Variants in SNTG1 observed in about 807,000 individuals in gnomAD.
The protein encoded by SNTG1 is syntrophin gamma 1.
A neutral mutation model predicts 74.7 loss-of-function variants in SNTG1; 39 were observed. The observed-to-expected ratio is 0.52, with a 90% CI of 0.40 to 0.68. The LOEUF is 0.68. SNTG1 is among the 30% of genes least tolerant of loss of function. The probability of loss-of-function intolerance (pLI) is 0.00; values close to 1 mark genes in which losing one functional copy is unlikely to be tolerated. For synonymous variants in SNTG1, 254 were observed against 217.1 expected (o/e 1.17, Z -1.49); for missense variants, 685 against 609.5 (o/e 1.12, Z -1.30).
intron 1 of SNTG1, among the ~76,000 whole-genome samples, chr8:50,015,973 G>T (rs180887496): frequency 1.7e-3 from 265 of 152,194 alleles, no homozygotes; most frequent in Admixed American, 5.2e-3. Flanking sequence ...TGTTGTTGTG[G>T]AGAAGAATTG....
intron 1 of SNTG1, among the ~76,000 whole-genome samples, chr8:50,081,409 T>C (rs1333158221): frequency 3.3e-5 from 5 of 152,112 alleles, no homozygotes; most frequent in African/African-American, 9.7e-5. Context: ...TTTGTCTTTA[T>C]TCCGTTTGGC....
chr8:49,994,114 A>G (rs1236347657), intron 1 of SNTG1, among the ~76,000 whole-genome samples: 1 of 152,102 alleles, frequency 6.6e-6, no homozygotes, highest in Non-Finnish European at 1.5e-5. Context: ...ACATACAAGT[A>G]TATGGATATA....
chr8:50,442,103 A>G lies in SNTG1; in HGVS notation c.219+3504A>G, dbSNP rs16914902. Among the ~76,000 whole-genome samples the G allele has an allele frequency of 6.8e-3, 1,035 of 152,184 alleles. 17 individuals carry two copies. Among genetic ancestry groups the G allele is most frequent in the African/African-American group, 0.024 (988 of 41,526 alleles). On this transcript the variant is annotated intron_variant, in intron 5 of 18. Coordinates refer to ENST00000642720, the MANE Select transcript of SNTG1 (RefSeq NM_018967.5). ...AGGGAGGTGCCACACACAGGCTGACACTCTCGCATCCCCATCTCCCAGTTT... is the reference window on the plus strand; with the variant it reads ...AGGGAGGTGCCACACACAGGCTGACGCTCTCGCATCCCCATCTCCCAGTTT...
intron 8 of SNTG1, among the ~76,000 whole-genome samples, chr8:50,495,463 CT>C (rs66691982): frequency 0.11 from 14,501 of 129,894 alleles, 811 homozygotes; most frequent in African/African-American, 0.2. Flanking sequence ...ATGTCAAATT[CT>C]TTTTTTTTTT....
chr8:50,137,385 C>G (rs1288910172), intron 1 of SNTG1, among the ~76,000 whole-genome samples: 1 of 152,136 alleles, frequency 6.6e-6, no homozygotes, highest in Non-Finnish European at 1.5e-5. Flanking sequence ...CTCTCACTGC[C>G]TGTAGTCAAC....
chr8:50,166,767 A>C (rs1394789016), intron 1 of SNTG1, among the ~76,000 whole-genome samples: 2 of 138,280 alleles, frequency 1.4e-5, no homozygotes, highest in Non-Finnish European at 3.1e-5. Flanking sequence ...CCATCCCATT[A>C]CTGGGTATAT....
intron 1 of SNTG1, among the ~76,000 whole-genome samples, chr8:50,026,147 TTC>T (rs968676731): frequency 6.6e-6 from 1 of 152,194 alleles, no homozygotes; most frequent in African/African-American, 2.4e-5. Context: ...TCAACACGCA[TTC>T]TGTTTATGTA....
chr8:50,612,633 T>C (rs2094858562), intron 13 of SNTG1, among the ~76,000 whole-genome samples: 1 of 152,210 alleles, frequency 6.6e-6, no homozygotes. Context: ...TTCCCTACTA[T>C]GCCTATGACG....
rs1361909742 is a variant in SNTG1 at position 50,394,238 on chromosome 8, C to A, written c.-1C>A. The A allele has an allele frequency of 6.2e-7, 1 of 1,612,886 alleles. No individual in the cohort carries two copies. Among genetic ancestry groups the A allele is most frequent in the African/African-American group, 1.3e-5 (1 of 74,862 alleles). Reference sequence around the variant, plus strand: ...CGACATCCTTTGTGGTGCCACAGCACATGGATTTCAGAACCGCCTGTGAGG... The same window carrying A: ...CGACATCCTTTGTGGTGCCACAGCAAATGGATTTCAGAACCGCCTGTGAGG... On this transcript the variant is annotated 5_prime_UTR_variant, in exon 3 of 19. Transcript: ENST00000642720.
intron 9 of SNTG1, among the ~76,000 whole-genome samples, chr8:50,513,567 G>A (rs956054429): frequency 5.9e-5 from 9 of 152,252 alleles, no homozygotes; most frequent in Non-Finnish European, 1.0e-4. Flanking sequence ...GCTCCACCCA[G>A]TTTGAGCTTC....
chr8:50,528,543 C>G (rs533913123), intron 9 of SNTG1, among the ~76,000 whole-genome samples: 11 of 151,786 alleles, frequency 7.2e-5, no homozygotes, highest in Non-Finnish European at 1.6e-4. Flanking sequence ...TCATATATTA[C>G]TAGGCTTGGT....
rs534098251 is a variant in SNTG1, at chr8:50,124,118, C to T, written c.-102-48443C>T. Among the ~76,000 whole-genome samples the T allele has an allele frequency of 5.7e-5, 8 of 141,580 alleles. 1 individual carries two copies. Among genetic ancestry groups the T allele is most frequent in the South Asian group, 5.3e-4 (2 of 3,748 alleles). 92.9% of individuals were successfully genotyped at this position (141,580 alleles called of 152,430 possible). A position where few individuals can be genotyped will look rare whatever the true frequency, so the allele number is the denominator to read the frequency against. On this transcript the variant is annotated intron_variant, in intron 1 of 18. Transcript: ENST00000642720. ...CTTGGAAGAGCTAACTAAATTAAAACGAGGCCATTAGGATGGTCCCTAATC... is the reference window on the plus strand; with the variant it reads ...CTTGGAAGAGCTAACTAAATTAAAATGAGGCCATTAGGATGGTCCCTAATC...
intron 2 of SNTG1, among the ~76,000 whole-genome samples, chr8:50,271,879 A>T (rs2087798303): frequency 6.6e-6 from 1 of 152,162 alleles, no homozygotes; most frequent in Non-Finnish European, 1.5e-5. Context: ...TAGGAGGTGG[A>T]GCCTTTTGAA....
chr8:50,231,247 G>A (rs1009419840), intron 2 of SNTG1, among the ~76,000 whole-genome samples: 3 of 151,338 alleles, frequency 2.0e-5, no homozygotes, highest in African/African-American at 7.2e-5. Context: ...CATTGGCACA[G>A]ATATGAGAAA....
At position 50,328,558 on chromosome 8, in the gene SNTG1, C is replaced by T. The variant is rs548854778; in HGVS notation, c.-27-65654C>T. ...AGAGCATGTGTGAAGGAGGTACTGT[C>T]AAACACTTATAAAACCATCAGATCT... On this transcript the variant is annotated intron_variant, in intron 2 of 18. Transcript: ENST00000642720. Among the ~76,000 whole-genome samples, 345 of 152,250 alleles carry T rather than the reference C, an allele frequency of 2.3e-3. 1 individual carries two copies. The highest frequency in any genetic ancestry group is 2.3e-3 in the Non-Finnish European group (154 of 68,030).
intron 2 of SNTG1, among the ~76,000 whole-genome samples, chr8:50,330,479 C>T (rs1192869441): frequency 6.6e-6 from 1 of 152,198 alleles, no homozygotes; most frequent in African/African-American, 2.4e-5. Flanking sequence ...TTCAAACTTT[C>T]TCACATCTTC....
chr8:50,168,446 C>G (rs547582057), intron 1 of SNTG1, among the ~76,000 whole-genome samples: 1 of 152,192 alleles, frequency 6.6e-6, no homozygotes, highest in East Asian at 1.9e-4. Flanking sequence ...GATATGCACA[C>G]ACAAACACAT....
chr8:50,431,434 C>A (rs2093235017), intron 4 of SNTG1, among the ~76,000 whole-genome samples: 1 of 152,122 alleles, frequency 6.6e-6, no homozygotes, highest in Non-Finnish European at 1.5e-5. Context: ...TTTGTTTATT[C>A]ATTCACTTAT....
chr8:50,641,312 T>C (rs2095071381), intron 13 of SNTG1, among the ~76,000 whole-genome samples: 1 of 152,202 alleles, frequency 6.6e-6, no homozygotes. Context: ...TAATTCTGCT[T>C]CCTGCTTCAT....
Sources: gnomAD v4.1 joint callset for allele counts (sites outside exome capture counted in the v4.1 genomes callset) on GRCh38, gnomAD v4.1.1 for gene constraint, MANE v1.5 for transcripts, NCBI Gene and HGNC (gene_info 2026-07-23, HGNC 2026-07-21) for gene names.